The following MACROD2 variants were observed in gnomAD, a reference collection of about 807,000 sequenced individuals.
MACROD2 encodes the protein ADP-ribose glycohydrolase MACROD2.
A neutral mutation model predicts 70.4 loss-of-function variants in MACROD2; 36 were observed. That is an observed-to-expected ratio of 0.51 (90% CI 0.39 to 0.68). MACROD2 has a LOEUF of 0.68. Ranked by LOEUF, MACROD2 falls within the 30% of genes least tolerant of loss-of-function variation. MACROD2 has a pLI of 0.00. For synonymous variants in MACROD2, 172 were observed against 178.8 expected, an observed-to-expected ratio of 0.96 and a Z score of 0.30; for missense variants, 496 against 538.4, an observed-to-expected ratio of 0.92 and a Z score of 0.78.
intron 3 of MACROD2, among the ~76,000 whole-genome samples, chr20:14,112,570 T>C (rs2054465511): frequency 6.6e-6 from 1 of 151,996 alleles, no homozygotes; most frequent in Non-Finnish European, 1.5e-5. Context: ...TTGAAAGAAA[T>C]GTATGCTTTA....
chr20:15,210,924 G>T lies in MACROD2; in HGVS notation c.419-19016G>T, dbSNP rs1433158908. ...ACCACTTTTCTTTATAAGTTACCCAGTCTCAGGTATTTCTTTATAGCAGTA... is the reference window on the plus strand; with the variant it reads ...ACCACTTTTCTTTATAAGTTACCCATTCTCAGGTATTTCTTTATAGCAGTA... On this transcript the variant is annotated intron_variant, in intron 5 of 17. Transcript: ENST00000684519. 3.9e-5 allele frequency among the ~76,000 whole-genome samples: 6 copies of T among 152,274 alleles called. No individual in the cohort carries two copies. The South Asian group carries it at 1.2e-3, about 32-fold the overall frequency.
intron 8 of MACROD2, among the ~76,000 whole-genome samples, chr20:15,724,168 G>A (rs2179623): frequency 0.85 from 129,648 of 152,208 alleles, 55,783 homozygotes; most frequent in South Asian, 0.93. Context: ...TATTTTGGAT[G>A]ATAGTCCTTT....
At chr20:14,295,772 A>T (rs2082421906) in intron 3 of MACROD2, among the ~76,000 whole-genome samples, 1 of 151,902 alleles carries the variant, frequency 6.6e-6, no homozygotes, top group Non-Finnish European at 1.5e-5. Context: ...TCCAACTAGG[A>T]AGACACTGTG....
intron 5 of MACROD2, among the ~76,000 whole-genome samples, chr20:14,685,930 T>C (rs2070996588): frequency 6.6e-6 from 1 of 152,322 alleles, no homozygotes; most frequent in Admixed American, 6.5e-5. Context: ...GAATTTCTTG[T>C]GGATGTGTGT....
rs1293159061 is a variant in MACROD2, at chr20:15,417,650, G to T, written c.541-13755G>T. Among the ~76,000 whole-genome samples, 6 of 140,532 alleles carry T rather than the reference G, an allele frequency of 4.3e-5. No individual in the cohort carries two copies. The East Asian group carries it at 8.1e-4, about 19-fold the overall frequency. 92.2% of individuals were successfully genotyped at this position (140,532 alleles called of 152,430 possible). A position where few individuals can be genotyped will look rare whatever the true frequency, so the allele number is the denominator to read the frequency against. On this transcript the variant is annotated intron_variant, in intron 6 of 17. Transcript: ENST00000684519. ...GAAAGAAAAGAAAAGAAAAAAAAAA[G>T]TGTGGTCCTGGGAGCCAGCAACAGC...
intron 8 of MACROD2, among the ~76,000 whole-genome samples, chr20:15,600,836 A>T (rs766871385): frequency 6.6e-6 from 1 of 152,184 alleles, no homozygotes; most frequent in African/African-American, 2.4e-5. Flanking sequence ...GGAGCTCAAA[A>T]ATATATATAT....
At chr20:14,815,345 T>C (rs760651148) in intron 5 of MACROD2, among the ~76,000 whole-genome samples, 10 of 152,064 alleles carry the variant, frequency 6.6e-5, no homozygotes, top group Non-Finnish European at 8.8e-5. Flanking sequence ...TAAAAGTAGA[T>C]GCATTTTGAT....
chr20:14,145,353 A>G (rs1460866767), intron 3 of MACROD2, among the ~76,000 whole-genome samples: 1 of 152,226 alleles, frequency 6.6e-6, no homozygotes. Context: ...ATGTTAGTTA[A>G]CATCATGATT....
chr20:14,871,867 T>C (rs1479890513), intron 5 of MACROD2, among the ~76,000 whole-genome samples: 2 of 152,144 alleles, frequency 1.3e-5, no homozygotes, highest in Non-Finnish European at 2.9e-5. Context: ...GCTGGAGTTA[T>C]AATCCCAGTT....
intron 5 of MACROD2, among the ~76,000 whole-genome samples, chr20:14,832,289 G>A (rs2072979728): frequency 6.6e-6 from 1 of 151,822 alleles, no homozygotes; most frequent in South Asian, 2.1e-4. Context: ...TCACTGAATT[G>A]ATCAGGCTGA....
chr20:14,616,502 C>T (rs1983486359), intron 4 of MACROD2, among the ~76,000 whole-genome samples: 1 of 152,056 alleles, frequency 6.6e-6, no homozygotes, highest in African/African-American at 2.4e-5. Flanking sequence ...AAGTGGGCTT[C>T]TGAGCCCCTG....
intron 3 of MACROD2, among the ~76,000 whole-genome samples, chr20:14,474,686 T>C (rs1600278410): frequency 6.6e-6 from 1 of 152,268 alleles, no homozygotes; most frequent in East Asian, 1.9e-4. Flanking sequence ...CAATTTTATT[T>C]CCTCTTCCTA....
chr20:14,172,686 T>C (rs910417566), intron 3 of MACROD2, among the ~76,000 whole-genome samples: 2 of 152,204 alleles, frequency 1.3e-5, no homozygotes, highest in African/African-American at 2.4e-5. Context: ...CTATTCTATA[T>C]ATTATGCGAT....
chr20:14,855,632 A>T (rs1174705571), intron 5 of MACROD2, among the ~76,000 whole-genome samples: 1 of 124,534 alleles, frequency 8.0e-6, no homozygotes, highest in East Asian at 2.4e-4. Flanking sequence ...TTTTTTAATA[A>T]GGCACAGCTC....
chr20:14,796,868 C>CAG (rs2072515766), intron 5 of MACROD2, among the ~76,000 whole-genome samples: 1 of 152,014 alleles, frequency 6.6e-6, no homozygotes, highest in South Asian at 2.1e-4. Flanking sequence ...CAACAAACCC[C>CAG]AGACTGATGC....
At chr20:14,327,800 A>G (rs1314977612) in intron 3 of MACROD2, among the ~76,000 whole-genome samples, 1 of 152,070 alleles carries the variant, frequency 6.6e-6, no homozygotes, top group African/African-American at 2.4e-5. Context: ...AATCCATTTG[A>G]TTTTGAAATA....
chr20:15,882,834 A>AT (rs1258040072), intron 9 of MACROD2, among the ~76,000 whole-genome samples: 1 of 152,072 alleles, frequency 6.6e-6, no homozygotes, highest in African/African-American at 2.4e-5. Context: ...CATGGGAGTC[A>AT]TTCTGGGGAT....
intron 10 of MACROD2, among the ~76,000 whole-genome samples, chr20:15,889,683 A>G (rs1044585120): frequency 1.3e-5 from 2 of 152,144 alleles, no homozygotes; most frequent in African/African-American, 4.8e-5. Flanking sequence ...ATGTTTTCCC[A>G]TGTCCTTTCA....
At chr20:14,921,166 T>TG (rs1187421044) in intron 5 of MACROD2, among the ~76,000 whole-genome samples, 2 of 152,180 alleles carry the variant, frequency 1.3e-5, no homozygotes, top group Admixed American at 1.3e-4. Context: ...ATTGGGTGTT[T>TG]GGGGAGCATA....
Sources: allele counts gnomAD v4.1 joint callset (sites outside exome capture counted in the v4.1 genomes callset), GRCh38; gene constraint gnomAD v4.1.1; transcripts MANE v1.5; gene names NCBI Gene and HGNC (gene_info 2026-07-23, HGNC 2026-07-21).